The following SLC10A7 variants were observed in gnomAD, a reference collection of about 807,000 sequenced individuals.
SLC10A7 encodes the protein sodium/bile acid cotransporter 7.
A neutral mutation model predicts 43.2 loss-of-function variants in SLC10A7; 29 were observed. The observed-to-expected ratio is 0.67, with a 90% confidence interval of 0.50 to 0.92. SLC10A7 has a LOEUF of 0.92. Ranked by LOEUF, SLC10A7 falls within the 40% of genes least tolerant of loss-of-function variation. The pLI is 0.00. For synonymous variants in SLC10A7, 152 were observed against 144.8 expected, an observed-to-expected ratio of 1.05 and a Z score of -0.35; for missense variants, 295 against 403.2, an observed-to-expected ratio of 0.73 and a Z score of 2.30.
intron 4 of SLC10A7, among the ~76,000 whole-genome samples, chr4:146,447,636 C>G (rs889774479): frequency 4.0e-5 from 6 of 151,218 alleles, no homozygotes; most frequent in African/African-American, 1.5e-4. Context: ...TTGGAGTAAT[C>G]ACATTTGGTG....
intron 2 of SLC10A7, among the ~76,000 whole-genome samples, chr4:146,512,013 A>T (rs1737526534): frequency 9.0e-6 from 1 of 111,290 alleles, no homozygotes; most frequent in Admixed American, 1.4e-4. Context: ...TGCTCTTGTC[A>T]TCCAGGCTGG....
intron 4 of SLC10A7, among the ~76,000 whole-genome samples, chr4:146,479,581 A>T (rs1284964459): frequency 6.6e-6 from 1 of 152,198 alleles, no homozygotes; most frequent in Admixed American, 6.5e-5. Flanking sequence ...TCATAGAGAC[A>T]AAAAGTAGAC....
intron 5 of SLC10A7, among the ~76,000 whole-genome samples, chr4:146,429,902 A>G (rs1167824796): frequency 6.6e-6 from 1 of 152,180 alleles, no homozygotes; most frequent in Non-Finnish European, 1.5e-5. Flanking sequence ...GAAAAAATGG[A>G]CAAACGTGAC....
intron 3 of SLC10A7, among the ~76,000 whole-genome samples, chr4:146,507,902 C>T (rs942091992): frequency 6.6e-6 from 1 of 152,192 alleles, no homozygotes; most frequent in African/African-American, 2.4e-5. Context: ...GTGTACACTC[C>T]TTTAAGTTCA....
At chr4:146,293,131 GA>G in intron 8 of SLC10A7, 151 bp from the exon 9 acceptor site, 1 of 545,136 alleles carries the variant, frequency 1.8e-6, no homozygotes, top group Non-Finnish European at 3.2e-6. Flanking sequence ...TAAATTGAAA[GA>G]ATCATTTAAA....
intron 5 of SLC10A7, among the ~76,000 whole-genome samples, chr4:146,395,376 C>A (rs920503183): frequency 6.6e-6 from 1 of 152,092 alleles, no homozygotes; most frequent in Admixed American, 6.6e-5. Flanking sequence ...GGTAACAGAG[C>A]AAAACACTGT....
At chr4:146,261,678 T>C (rs963807235) in intron 10 of SLC10A7, among the ~76,000 whole-genome samples, 2 of 152,308 alleles carry the variant, frequency 1.3e-5, no homozygotes, top group Non-Finnish European at 1.5e-5. Context: ...AATTTCCCCC[T>C]ACCACTTTAT....
intron 3 of SLC10A7, among the ~76,000 whole-genome samples, chr4:146,508,117 T>C (rs77246232): frequency 0.013 from 1,947 of 152,296 alleles, 39 homozygotes; most frequent in African/African-American, 0.041. Context: ...CCTATGGAAA[T>C]ATTTTATCTT....
intron 4 of SLC10A7, among the ~76,000 whole-genome samples, chr4:146,445,293 G>A (rs1003290824): frequency 1.3e-5 from 2 of 152,130 alleles, no homozygotes; most frequent in Non-Finnish European, 2.9e-5. Flanking sequence ...TATGGGACTC[G>A]CGAAGGGGTT....
chr4:146,516,496 A>T (rs1373466775), intron 2 of SLC10A7, among the ~76,000 whole-genome samples: 1 of 149,236 alleles, frequency 6.7e-6, no homozygotes, highest in Non-Finnish European at 1.5e-5. Context: ...ATACACATAT[A>T]CATATACACA....
At chr4:146,305,408 C>T (rs113865483) in intron 7 of SLC10A7, among the ~76,000 whole-genome samples, 1 of 129,550 alleles carries the variant, frequency 7.7e-6, no homozygotes, top group Admixed American at 9.3e-5. Context: ...GGGAACATCA[C>T]ACTCTGGGGA....
chr4:146,395,970 T>C (rs1212186453), intron 5 of SLC10A7, among the ~76,000 whole-genome samples: 1 of 152,192 alleles, frequency 6.6e-6, no homozygotes, highest in Non-Finnish European at 1.5e-5. Context: ...ACACTGATCA[T>C]TCTTCTTTCT....
At chr4:146,378,390 C>T (rs1305664204) in intron 5 of SLC10A7, among the ~76,000 whole-genome samples, 2 of 152,148 alleles carry the variant, frequency 1.3e-5, no homozygotes, top group Non-Finnish European at 2.9e-5. Flanking sequence ...ATTTCCTAAT[C>T]CACAGAAACT....
At chr4:146,274,296 C>T (rs559391740) in intron 10 of SLC10A7, among the ~76,000 whole-genome samples, 8 of 151,328 alleles carry the variant, frequency 5.3e-5, no homozygotes, top group East Asian at 2.0e-4. Context: ...CTCTGCCTCC[C>T]GGGTTCAAGT....
intron 6 of SLC10A7, among the ~76,000 whole-genome samples, chr4:146,307,698 C>G (rs926404711): frequency 2.0e-5 from 3 of 152,100 alleles, no homozygotes; most frequent in African/African-American, 7.2e-5. Context: ...ATAAGGTTTA[C>G]AGAACTTGGA....
At chr4:146,299,001 T>G (rs887622637) in intron 7 of SLC10A7, among the ~76,000 whole-genome samples, 4 of 152,172 alleles carry the variant, frequency 2.6e-5, no homozygotes, top group African/African-American at 9.7e-5. Context: ...AAAAATAAAA[T>G]TCACTCTCAG....
intron 4 of SLC10A7, among the ~76,000 whole-genome samples, chr4:146,464,295 CA>C (rs751228491): frequency 3.9e-5 from 6 of 152,102 alleles, no homozygotes; most frequent in Non-Finnish European, 8.8e-5. Flanking sequence ...AAACAGTACG[CA>C]TTGTATGACT....
At position 146,256,269 on chromosome 4, in the gene SLC10A7, A is replaced by G; in HGVS notation, c.*222T>C. ...TTCCTGCATTAGGAAAGCAAAATTA[A>G]CCCCCAAATATTGTACCACCCCTGG... On this transcript the variant is annotated 3_prime_UTR_variant, in exon 12 of 12. Coordinates refer to ENST00000335472, the MANE Select transcript of SLC10A7 (RefSeq NM_001029998.6). 1.8e-6 allele frequency: 1 copy of G among 558,770 alleles called. No homozygotes were observed. Among genetic ancestry groups the G allele is most frequent in the Non-Finnish European group, 3.2e-6 (1 of 314,822 alleles). The allele number at this position is 558,770 out of a possible 1,614,324, so 34.6% of individuals were successfully genotyped here. A position where few individuals can be genotyped will look rare whatever the true frequency, so the allele number is the denominator to read the frequency against.
chr4:146,469,065 T>C (rs1005323710), intron 4 of SLC10A7, among the ~76,000 whole-genome samples: 1 of 152,058 alleles, frequency 6.6e-6, no homozygotes, highest in African/African-American at 2.4e-5. Context: ...CAAAGCTGAA[T>C]GGGGAGCACA....
Sources: allele counts gnomAD v4.1 joint callset (sites outside exome capture counted in the v4.1 genomes callset), GRCh38; gene constraint gnomAD v4.1.1; transcripts MANE v1.5; gene names NCBI Gene and HGNC (gene_info 2026-07-23, HGNC 2026-07-21).